SLCO5A1: variants seen among roughly 807,000 people sequenced by gnomAD.
SLCO5A1 encodes the protein organic anion transporter polypeptide-related protein 4.
Under a neutral mutation model 65.1 loss-of-function variants are expected in SLCO5A1, and 39 were observed. The observed-to-expected ratio is 0.60, with a 90% CI of 0.46 to 0.78. SLCO5A1 has a LOEUF of 0.78. Among genes scored for constraint, SLCO5A1 ranks in the 30% least tolerant of loss-of-function variants. SLCO5A1 has a pLI of 0.00. For synonymous variants in SLCO5A1, 438 were observed against 415.7 expected (o/e 1.05, Z -0.65); for missense variants, 1,029 against 1,069.4 (o/e 0.96, Z 0.53).
At chr8:69,824,174 G>A (rs1405695289) in intron 2 of SLCO5A1, among the ~76,000 whole-genome samples, 2 of 151,770 alleles carry the variant, frequency 1.3e-5, no homozygotes, top group Non-Finnish European at 2.9e-5. Flanking sequence ...AGAGAAAGCA[G>A]GAAAGATCCA....
At chr8:69,716,782 C>CT (rs61059795) in intron 5 of SLCO5A1, among the ~76,000 whole-genome samples, 81 of 143,150 alleles carry the variant, frequency 5.7e-4, no homozygotes, top group Admixed American at 1.7e-3. Flanking sequence ...TGTGTTTTTC[C>CT]TTTTTTTTTT....
chr8:69,716,929 G>C (rs189268862), intron 5 of SLCO5A1, among the ~76,000 whole-genome samples: 13 of 151,800 alleles, frequency 8.6e-5, no homozygotes, highest in Non-Finnish European at 1.9e-4. Context: ...ACAGGCACAC[G>C]CCACCACCCC....
At chr8:69,796,247 G>GTT (rs199765549) in intron 2 of SLCO5A1, among the ~76,000 whole-genome samples, 2 of 150,822 alleles carry the variant, frequency 1.3e-5, no homozygotes, top group African/African-American at 4.9e-5. Flanking sequence ...AATGAGAGTT[G>GTT]GTTTTTTTTT....
intron 2 of SLCO5A1, among the ~76,000 whole-genome samples, chr8:69,778,922 C>T (rs1272956456): frequency 1.3e-5 from 2 of 152,170 alleles, no homozygotes; most frequent in Non-Finnish European, 2.9e-5. Context: ...AAGATGACTT[C>T]TTATAGGCCA....
chr8:69,796,173 A>T (rs1289448495), intron 2 of SLCO5A1, among the ~76,000 whole-genome samples: 3 of 151,952 alleles, frequency 2.0e-5, no homozygotes, highest in African/African-American at 7.3e-5. Flanking sequence ...TGTCTTATCT[A>T]TTAGTATTTG....
At chr8:69,715,148 G>T (rs764238394) in intron 5 of SLCO5A1, among the ~76,000 whole-genome samples, 7 of 152,196 alleles carry the variant, frequency 4.6e-5, no homozygotes, top group Non-Finnish European at 8.8e-5. Flanking sequence ...CACTTGAAAC[G>T]ATGAAATGCA....
intron 2 of SLCO5A1, among the ~76,000 whole-genome samples, chr8:69,824,332 C>A (rs974203718): frequency 6.6e-6 from 1 of 152,080 alleles, no homozygotes; most frequent in Non-Finnish European, 1.5e-5. Context: ...ATTAATGAAT[C>A]CAGGAGCTGG....
At chr8:69,718,038 T>G (rs1262952616) in intron 5 of SLCO5A1, among the ~76,000 whole-genome samples, 5 of 152,186 alleles carry the variant, frequency 3.3e-5, no homozygotes, top group Admixed American at 6.5e-5. Context: ...AAATTTTGTG[T>G]CTTGTGACCA....
In SLCO5A1 at chr8:69,831,958, C is replaced by G. The variant is rs777369435; in HGVS notation, c.716G>C (p.Gly239Ala). 4.4e-6 allele frequency: 7 copies of G among 1,594,744 alleles called. No individual in the cohort carries two copies. The highest frequency in any genetic ancestry group is 6.0e-6 in the Non-Finnish European group (7 of 1,171,460). Residue 239 changes from glycine (G) to alanine (A), a missense_variant, in exon 2 of 10, where the codon GGT (glycine) becomes GCT (alanine). Physicochemically the swap from Gly to Ala is moderately conservative, Grantham distance 60 (BLOSUM62 0). Coordinates refer to ENST00000260126, the MANE Select transcript of SLCO5A1 (RefSeq NM_030958.3). ...ASAPNDGLCQ[G>A]GNSTATLEPP... is the part of the protein sequence containing the mutation. The stretch of plus-strand genomic sequence containing the variant: ...CTCCAAAGTGGCGGTGGAGTTGCCA[C>G]CCTGACACAGGCCGTCGTTGGGGGC...
chr8:69,786,998 G>A (rs1819063627), intron 2 of SLCO5A1, among the ~76,000 whole-genome samples: 1 of 152,194 alleles, frequency 6.6e-6, no homozygotes, highest in Non-Finnish European at 1.5e-5. Context: ...CATGGCAGAA[G>A]GCAAGGAAAC....
intron 2 of SLCO5A1, among the ~76,000 whole-genome samples, chr8:69,800,804 C>G (rs887150582): frequency 6.6e-6 from 1 of 152,174 alleles, no homozygotes; most frequent in South Asian, 2.1e-4. Flanking sequence ...AACGTTGCCA[C>G]CCCTTTGACA....
At chr8:69,722,919 C>T (rs765338341) in intron 5 of SLCO5A1, among the ~76,000 whole-genome samples, 18 of 152,056 alleles carry the variant, frequency 1.2e-4, no homozygotes, top group Non-Finnish European at 2.4e-4. Flanking sequence ...CAGTGACTGA[C>T]TATTCTTGAT....
At chr8:69,778,482 T>A (rs1218190338) in intron 2 of SLCO5A1, among the ~76,000 whole-genome samples, 1 of 151,832 alleles carries the variant, frequency 6.6e-6, no homozygotes, top group African/African-American at 2.4e-5. Context: ...AAAAATAGAA[T>A]AGAAGGAAAT....
intron 2 of SLCO5A1, among the ~76,000 whole-genome samples, chr8:69,809,633 A>G (rs538066649): frequency 3.7e-4 from 56 of 152,224 alleles, no homozygotes; most frequent in Middle Eastern, 3.4e-3. Flanking sequence ...TAATTACCAT[A>G]TCATCATTAT....
intron 5 of SLCO5A1, among the ~76,000 whole-genome samples, chr8:69,715,530 C>A (rs115722295): frequency 6.6e-6 from 1 of 152,258 alleles, no homozygotes; most frequent in Admixed American, 6.5e-5. Context: ...ATCGTCATGA[C>A]GCCCACTAAT....
At chr8:69,701,547 A>T (rs1487127940) in intron 6 of SLCO5A1, among the ~76,000 whole-genome samples, 1 of 152,234 alleles carries the variant, frequency 6.6e-6, no homozygotes, top group Non-Finnish European at 1.5e-5. Context: ...ACAGTCCTTT[A>T]TCCTAACCCA....
intron 5 of SLCO5A1, among the ~76,000 whole-genome samples, chr8:69,729,958 A>G (rs1203412941): frequency 6.6e-6 from 1 of 152,224 alleles, no homozygotes; most frequent in Non-Finnish European, 1.5e-5. Context: ...ACCTAACAAG[A>G]TTTCCTAAAG....
intron 6 of SLCO5A1, among the ~76,000 whole-genome samples, chr8:69,693,748 T>A (rs1242104582): frequency 2.0e-5 from 3 of 152,206 alleles, no homozygotes; most frequent in Non-Finnish European, 4.4e-5. Context: ...TTATCCTCCC[T>A]ATAATCCTAA....
chr8:69,703,628 G>A (rs998720205), intron 6 of SLCO5A1, among the ~76,000 whole-genome samples: 20 of 152,184 alleles, frequency 1.3e-4, no homozygotes, highest in Non-Finnish European at 5.9e-5. Context: ...AGTGGTTAAA[G>A]GCAGTGCTTA....
Sources: allele counts gnomAD v4.1 joint callset (sites outside exome capture counted in the v4.1 genomes callset), GRCh38; gene constraint gnomAD v4.1.1; transcripts MANE v1.5; gene names NCBI Gene and HGNC (gene_info 2026-07-23, HGNC 2026-07-21).